The following CNTLN variants were observed in gnomAD, a reference collection of about 807,000 sequenced individuals.
CNTLN encodes centlein.
A neutral mutation model predicts 180.0 loss-of-function variants in CNTLN; 212 were observed. The ratio of observed to expected loss-of-function variants is 1.18; its 90% confidence interval spans 1.05 to 1.32. CNTLN has a LOEUF of 1.32. CNTLN is among the 40% of genes most tolerant of loss of function. The pLI is 0.00. For missense variants in CNTLN, 2,095 were observed against 1,610.9 expected (o/e 1.30, Z -5.14); for synonymous variants, 722 against 563.1 (o/e 1.28, Z -3.99).
intron 13 of CNTLN, among the ~76,000 whole-genome samples, chr9:17,380,756 G>C (rs886722376): frequency 2.0e-5 from 3 of 152,270 alleles, no homozygotes; most frequent in African/African-American, 7.2e-5. Context: ...GACAATGCAA[G>C]AAACAAGCAG....
intron 23 of CNTLN, among the ~76,000 whole-genome samples, chr9:17,475,540 A>AAGGG (rs1309189386): frequency 6.7e-6 from 1 of 149,712 alleles, no homozygotes; most frequent in Non-Finnish European, 1.5e-5. Context: ...GGAAAGAAGG[A>AAGGG]AGGGAGGGAG....
At chr9:17,379,621 C>G (rs1398566305) in intron 13 of CNTLN, among the ~76,000 whole-genome samples, 1 of 152,124 alleles carries the variant, frequency 6.6e-6, no homozygotes, top group Non-Finnish European at 1.5e-5. Flanking sequence ...ATTTTTCATA[C>G]ATTTTGTCTA....
intron 2 of CNTLN, among the ~76,000 whole-genome samples, chr9:17,201,324 G>C (rs76835574): frequency 6.6e-6 from 1 of 152,138 alleles, no homozygotes; most frequent in African/African-American, 2.4e-5. Flanking sequence ...GCCAGGTTTT[G>C]GTATCAGGAT....
intron 25 of CNTLN, among the ~76,000 whole-genome samples, chr9:17,498,362 G>A (rs555315186): frequency 3.3e-5 from 5 of 152,276 alleles, no homozygotes; most frequent in South Asian, 4.1e-4. Context: ...ATTTGTAAGT[G>A]TGAGTAATAA....
At chr9:17,434,305 T>C (rs1403312421) in intron 18 of CNTLN, among the ~76,000 whole-genome samples, 3 of 152,000 alleles carry the variant, frequency 2.0e-5, no homozygotes, top group Non-Finnish European at 4.4e-5. Context: ...TTGGTCTTTT[T>C]CTAACTGCTT....
intron 2 of CNTLN, among the ~76,000 whole-genome samples, chr9:17,209,720 A>G (rs1563883052): frequency 6.6e-6 from 1 of 152,184 alleles, no homozygotes; most frequent in African/African-American, 2.4e-5. Flanking sequence ...TTGTCTAAGT[A>G]TAGCTACTCA....
chr9:17,266,028 T>C (rs200978669), intron 5 of CNTLN, among the ~76,000 whole-genome samples: 48 of 152,222 alleles, frequency 3.2e-4, no homozygotes, highest in African/African-American at 9.1e-4. Flanking sequence ...CTTTTTGTGT[T>C]TCTATTTCCT....
At chr9:17,498,530 T>C (rs1833576609) in intron 25 of CNTLN, among the ~76,000 whole-genome samples, 1 of 152,184 alleles carries the variant, frequency 6.6e-6, no homozygotes, top group African/African-American at 2.4e-5. Context: ...ACTAGGAAGA[T>C]CTGCCTTAAG....
the CNTLN span, among the ~76,000 whole-genome samples, chr9:17,518,956 C>T: frequency 6.6e-6 from 1 of 152,160 alleles, no homozygotes; most frequent in South Asian, 2.1e-4. Flanking sequence ...GAGACAGGGT[C>T]TCTGTCACCC....
chr9:17,176,029 A>C (rs188825963), intron 2 of CNTLN, among the ~76,000 whole-genome samples: 1 of 151,052 alleles, frequency 6.6e-6, no homozygotes, highest in East Asian at 1.9e-4. Flanking sequence ...TATTGTAATT[A>C]TCTATTGTAA....
At chr9:17,440,033 T>C (rs2134034326) in intron 18 of CNTLN, among the ~76,000 whole-genome samples, 1 of 152,336 alleles carries the variant, frequency 6.6e-6, no homozygotes, top group Non-Finnish European at 1.5e-5. Flanking sequence ...GCAAAGTTGA[T>C]ACTGTAGAAA....
At chr9:17,337,194 A>G (rs1378273218) in intron 10 of CNTLN, among the ~76,000 whole-genome samples, 1 of 151,990 alleles carries the variant, frequency 6.6e-6, no homozygotes, top group African/African-American at 2.4e-5. Flanking sequence ...AGTTCCTTGT[A>G]GATTCTGGAT....
At chr9:17,270,736 A>T (rs1165078055) in intron 5 of CNTLN, among the ~76,000 whole-genome samples, 1 of 152,088 alleles carries the variant, frequency 6.6e-6, no homozygotes, top group Non-Finnish European at 1.5e-5. Context: ...TTTTTGAGTC[A>T]GCTTCATATA....
chr9:17,173,431 G>C (rs996039584), intron 2 of CNTLN, among the ~76,000 whole-genome samples: 1 of 152,054 alleles, frequency 6.6e-6, no homozygotes, highest in Non-Finnish European at 1.5e-5. Context: ...TTATTTTAAG[G>C]AAACAATTTA....
At chr9:17,173,286 T>A (rs1820526070) in intron 2 of CNTLN, among the ~76,000 whole-genome samples, 1 of 152,180 alleles carries the variant, frequency 6.6e-6, no homozygotes. Flanking sequence ...GTAAACAAAT[T>A]AGGGTATACA....
chr9:17,179,568 G>T (rs1439887504), intron 2 of CNTLN, among the ~76,000 whole-genome samples: 2 of 152,158 alleles, frequency 1.3e-5, no homozygotes, highest in Admixed American at 6.5e-5. Context: ...ATTTGACAAG[G>T]TTTGTTTTGT....
rs764266887 is a variant in CNTLN at position 17,219,905 on chromosome 9, C to G, written c.450-6298C>G. On this transcript the variant is annotated intron_variant, in intron 2 of 25. Transcript: ENST00000380647. ...CACCGAGAGATCTTCTCTCTAGTGT[C>G]CCCTCTCATTAAGGTGCTACTCCCA... Among the ~76,000 whole-genome samples the G allele has an allele frequency of 2.6e-5, 4 of 151,920 alleles. No individual in the cohort carries two copies. The South Asian group carries it at 8.3e-4, about 32-fold the overall frequency.
chr9:17,262,748 A>C (rs1827095267), intron 5 of CNTLN, among the ~76,000 whole-genome samples: 1 of 151,474 alleles, frequency 6.6e-6, no homozygotes, highest in African/African-American at 2.4e-5. Flanking sequence ...AAATAAAATA[A>C]AGAAAAGAAA....
At chr9:17,213,032 G>T (rs1049813674) in intron 2 of CNTLN, among the ~76,000 whole-genome samples, 3 of 152,082 alleles carry the variant, frequency 2.0e-5, no homozygotes, top group Admixed American at 6.6e-5. Flanking sequence ...TTTTTCTGAA[G>T]TGTTTTTTGT....
Sources: allele counts gnomAD v4.1 joint callset (sites outside exome capture counted in the v4.1 genomes callset), GRCh38; gene constraint gnomAD v4.1.1; transcripts MANE v1.5; gene names NCBI Gene and HGNC (gene_info 2026-07-23, HGNC 2026-07-21).